Variants in PDE11A observed in about 807,000 individuals in gnomAD.
The protein encoded by PDE11A is phosphodiesterase 11A.
Under a neutral mutation model 100.5 loss-of-function variants are expected in PDE11A, and 100 were observed. The observed-to-expected ratio is 1.00, with a 90% CI of 0.85 to 1.18. The LOEUF is 1.18. Ranked by LOEUF, PDE11A falls within the 50% of genes most tolerant of loss-of-function variation. The probability of loss-of-function intolerance (pLI) is 0.00; values close to 1 mark genes in which losing one functional copy is unlikely to be tolerated. For missense variants in PDE11A, 1,141 were observed against 1,152.6 expected (o/e 0.99, Z 0.15); for synonymous variants, 381 against 420.8 (o/e 0.91, Z 1.16).
At chr2:177,988,466 T>C (rs891037646) in intron 2 of PDE11A, among the ~76,000 whole-genome samples, 3 of 152,186 alleles carry the variant, frequency 2.0e-5, no homozygotes, top group Non-Finnish European at 2.9e-5. Context: ...AATTCCTCTC[T>C]ACCTTCATTA....
intron 19 of PDE11A, among the ~76,000 whole-genome samples, chr2:177,656,600 C>T (rs2080388305): frequency 6.6e-6 from 1 of 152,226 alleles, no homozygotes; most frequent in Non-Finnish European, 1.5e-5. Flanking sequence ...CTTTGTTCAA[C>T]AAACATTGGC....
rs1343017811 is a variant in PDE11A, at chr2:178,072,314, GCCTCTGCAGCCACTTTT to G, written c.107_123del (p.Glu36AlafsTer98). ...CCTAAAGCCCCCTGACCCTGACTGTGCCTCTGCAGCCACTTTTCAACCATCTCCTGCTTCCCCTTCCG... is the reference window on the plus strand; with the variant it reads ...CCTAAAGCCCCCTGACCCTGACTGTGCAACCATCTCCTGCTTCCCCTTCCG... On this transcript the variant is annotated frameshift_variant, in exon 1 of 20. Transcript: ENST00000286063. LOFTEE classifies it high-confidence loss of function. 2 of 1,614,126 alleles carry G rather than the reference GCCTCTGCAGCCACTTTT, an allele frequency of 1.2e-6. No individual in the cohort carries two copies. Among genetic ancestry groups the G allele is most frequent in the Non-Finnish European group, 1.7e-6 (2 of 1,180,014 alleles).
intron 5 of PDE11A, among the ~76,000 whole-genome samples, chr2:177,864,662 G>C (rs546684980): frequency 2.6e-5 from 4 of 152,102 alleles, no homozygotes; most frequent in Non-Finnish European, 5.9e-5. Flanking sequence ...ATGTACTTCA[G>C]AAATGGCATA....
chr2:177,812,288 G>C (rs1437096235), intron 9 of PDE11A, among the ~76,000 whole-genome samples: 1 of 152,006 alleles, frequency 6.6e-6, no homozygotes, highest in Non-Finnish European at 1.5e-5. Flanking sequence ...GCTTGCCCAA[G>C]GTCAATAGCT....
At chr2:177,714,679 C>T (rs1327801372) in intron 12 of PDE11A, among the ~76,000 whole-genome samples, 1 of 152,210 alleles carries the variant, frequency 6.6e-6, no homozygotes, top group Non-Finnish European at 1.5e-5. Context: ...CTATAAATAT[C>T]ATTCACCGCT....
chr2:177,790,379 A>G (rs994465583), intron 9 of PDE11A, among the ~76,000 whole-genome samples: 153 of 151,828 alleles, frequency 1.0e-3, no homozygotes, highest in African/African-American at 3.7e-3. Context: ...ACCTTATACA[A>G]AAATTAATTC....
chr2:177,956,800 T>A (rs1369970971), intron 2 of PDE11A, among the ~76,000 whole-genome samples: 1 of 145,242 alleles, frequency 6.9e-6, no homozygotes, highest in East Asian at 2.0e-4. Context: ...CTCAGCAAAC[T>A]ATCGCAAGGA....
chr2:177,710,530 C>A (rs1389167255), intron 13 of PDE11A, among the ~76,000 whole-genome samples: 1 of 152,210 alleles, frequency 6.6e-6, no homozygotes, highest in East Asian at 1.9e-4. Flanking sequence ...CTAACTCTCA[C>A]AACTGTGACA....
intron 1 of PDE11A, among the ~76,000 whole-genome samples, chr2:178,037,882 A>C (rs1265560256): frequency 6.6e-6 from 1 of 152,000 alleles, no homozygotes; most frequent in Non-Finnish European, 1.5e-5. Flanking sequence ...GGGGTGGGGG[A>C]CAAGGGAAGG....
intron 5 of PDE11A, among the ~76,000 whole-genome samples, chr2:177,854,394 A>G (rs2083792300): frequency 6.6e-6 from 1 of 152,124 alleles, no homozygotes; most frequent in Admixed American, 6.6e-5. Flanking sequence ...CAAATTCATT[A>G]AGATGAATTT....
At chr2:177,907,357 C>T (rs1464724564) in intron 2 of PDE11A, among the ~76,000 whole-genome samples, 2 of 152,084 alleles carry the variant, frequency 1.3e-5, no homozygotes, top group African/African-American at 4.8e-5. Flanking sequence ...AAACAGAATT[C>T]AGTAAACATG....
intron 2 of PDE11A, among the ~76,000 whole-genome samples, chr2:177,982,839 G>A (rs2085899644): frequency 6.6e-6 from 1 of 150,748 alleles, no homozygotes; most frequent in Non-Finnish European, 1.5e-5. Flanking sequence ...ACTTTGGGAG[G>A]CCAAGGTGGG....
At chr2:177,725,650 A>G (rs959134743) in intron 12 of PDE11A, among the ~76,000 whole-genome samples, 1 of 152,120 alleles carries the variant, frequency 6.6e-6, no homozygotes, top group Non-Finnish European at 1.5e-5. Flanking sequence ...TGACGATATG[A>G]GCATCCCCAT....
chr2:177,947,851 T>A (rs543903703), intron 2 of PDE11A, among the ~76,000 whole-genome samples: 2 of 151,910 alleles, frequency 1.3e-5, no homozygotes, highest in Admixed American at 6.5e-5. Flanking sequence ...AAAAGCAACA[T>A]GTATTCATTA....
intron 2 of PDE11A, among the ~76,000 whole-genome samples, chr2:177,931,381 A>G (rs995579218): frequency 6.6e-6 from 1 of 152,208 alleles, no homozygotes; most frequent in Non-Finnish European, 1.5e-5. Context: ...TTCTGTCGTG[A>G]GAACACTTAA....
intron 19 of PDE11A, among the ~76,000 whole-genome samples, chr2:177,663,357 C>T (rs1322193125): frequency 6.6e-6 from 1 of 150,436 alleles, no homozygotes; most frequent in Non-Finnish European, 1.5e-5. Context: ...CACAAAACCC[C>T]CTGTATCAGA....
rs1176920291 is a variant in PDE11A, at chr2:177,797,568, A to G, written c.1737+19261T>C. On this transcript the variant is annotated intron_variant, in intron 9 of 19. Coordinates refer to ENST00000286063, the MANE Select transcript of PDE11A (RefSeq NM_016953.4). ...AGAAGAAATAAGAAGAATGTAAGGT[A>G]ATGAAAGAAAAATTTTAAACAAATA... is the stretch of plus-strand genomic sequence containing the variant. Among the ~76,000 whole-genome samples the G allele has an allele frequency of 2.0e-5, 3 of 152,346 alleles. No individual in the cohort carries two copies. The East Asian group carries it at 5.8e-4, about 29-fold the overall frequency.
At chr2:177,876,005 T>C (rs1369671093) in intron 4 of PDE11A, 82 bp from the exon 5 acceptor site, 16 of 809,914 alleles carry the variant, frequency 2.0e-5, no homozygotes, top group South Asian at 5.6e-5. Context: ...TTTTCATCTT[T>C]ATAATGATTA....
rs57202805 is a variant in PDE11A at position 177,855,903 on chromosome 2, AACACACACACACAC to A, written c.1368-15534_1368-15521del. On this transcript the variant is annotated intron_variant, in intron 5 of 19. Coordinates refer to ENST00000286063, the MANE Select transcript of PDE11A (RefSeq NM_016953.4). ...ATTCATAGACATCTAGAACGTATGC[AACACACACACACAC>A]ACACACACACACACACACACACACA... Among the ~76,000 whole-genome samples, 756 of 139,656 alleles carry A rather than the reference AACACACACACACAC, an allele frequency of 5.4e-3. 7 individuals carry two copies. The highest frequency in any genetic ancestry group is 0.045 in the East Asian group (216 of 4,750). The allele number at this position is 139,656 out of a possible 152,430, so 91.6% of individuals were successfully genotyped here.
Sources: allele counts gnomAD v4.1 joint callset (sites outside exome capture counted in the v4.1 genomes callset), GRCh38; gene constraint gnomAD v4.1.1; transcripts MANE v1.5; gene names NCBI Gene and HGNC (gene_info 2026-07-23, HGNC 2026-07-21).